DLGAP1: variants seen among roughly 807,000 people sequenced by gnomAD.
DLGAP1 encodes the protein DLG associated protein 1, also known as disks large-associated protein 1.
Under a neutral mutation model 90.8 loss-of-function variants are expected in DLGAP1, and 11 were observed. The ratio of observed to expected loss-of-function variants is 0.12; its 90% CI spans 0.08 to 0.20. The LOEUF (loss-of-function observed/expected upper bound fraction) is 0.20. Ranked by LOEUF, DLGAP1 falls within the 10% of genes least tolerant of loss-of-function variation. The pLI is 1.00. For synonymous variants in DLGAP1, 558 were observed against 540.7 expected (o/e 1.03, Z -0.44); for missense variants, 1,050 against 1,333.8 (o/e 0.79, Z 3.31).
chr18:3,623,047 C>A (rs535203419), intron 7 of DLGAP1, among the ~76,000 whole-genome samples: 1 of 151,878 alleles, frequency 6.6e-6, no homozygotes, highest in Non-Finnish European at 1.5e-5. Flanking sequence ...TCAAATGATC[C>A]GCCTGCCTCT....
chr18:3,977,292 G>A (rs1340917506), intron 3 of DLGAP1, among the ~76,000 whole-genome samples: 1 of 152,056 alleles, frequency 6.6e-6, no homozygotes, highest in African/African-American at 2.4e-5. Flanking sequence ...GGCTGGTATC[G>A]AACTCCTGAG....
At chr18:3,639,844 T>C (rs954345287) in intron 7 of DLGAP1, among the ~76,000 whole-genome samples, 2 of 133,144 alleles carry the variant, frequency 1.5e-5, no homozygotes, top group South Asian at 2.4e-4. Context: ...AAGCTCCGCC[T>C]CCTGGGTTCA....
Position 3,501,597 on chromosome 18 carries a change from A to G in DLGAP1, c.2724+896T>C, listed in dbSNP as rs942420101. Among the ~76,000 whole-genome samples, 6 of 152,306 alleles carry G rather than the reference A, an allele frequency of 3.9e-5. No individual in the cohort carries two copies. In the South Asian group the frequency reaches 1.2e-3, roughly 32 times the overall value. ...CTGAAAACATGATATGCGGTAGCAG[A>G]ATGGATTAGATTGCTGTTAGCTTTC... On this transcript the variant is annotated intron_variant, in intron 12 of 12. Coordinates refer to ENST00000315677, the MANE Select transcript of DLGAP1 (RefSeq NM_004746.4).
At chr18:4,358,985 G>T (rs2081578996) in intron 1 of DLGAP1, among the ~76,000 whole-genome samples, 1 of 152,238 alleles carries the variant, frequency 6.6e-6, no homozygotes, top group African/African-American at 2.4e-5. Flanking sequence ...TGCTGGCGGG[G>T]ATGAGGGAGT....
At chr18:3,798,495 A>G (rs1184217841) in intron 5 of DLGAP1, among the ~76,000 whole-genome samples, 1 of 152,172 alleles carries the variant, frequency 6.6e-6, no homozygotes, top group Non-Finnish European at 1.5e-5. Flanking sequence ...AACACAGTCC[A>G]GGGCCGACCC....
intron 8 of DLGAP1, among the ~76,000 whole-genome samples, chr18:3,572,082 T>C (rs919142091): frequency 2.8e-4 from 40 of 144,208 alleles, no homozygotes; most frequent in African/African-American, 9.0e-4. Flanking sequence ...TTTTTTTTTT[T>C]TTTTTTTTCT....
At chr18:4,227,941 T>G (rs775677076) in intron 1 of DLGAP1, among the ~76,000 whole-genome samples, 1 of 151,464 alleles carries the variant, frequency 6.6e-6, no homozygotes. Flanking sequence ...TAAACAAAAT[T>G]GAGAAAACTC....
chr18:3,519,503 A>G (rs1423455442), intron 10 of DLGAP1, among the ~76,000 whole-genome samples: 1 of 152,088 alleles, frequency 6.6e-6, no homozygotes, highest in African/African-American at 2.4e-5. Context: ...CTTGCCTCCT[A>G]TGAGATGAAA....
At chr18:3,847,116 A>G (rs976947875) in intron 4 of DLGAP1, among the ~76,000 whole-genome samples, 2 of 152,198 alleles carry the variant, frequency 1.3e-5, no homozygotes, top group African/African-American at 2.4e-5. Flanking sequence ...CTAGGTCAGT[A>G]AATTTCTTTT....
chr18:4,041,109 A>G (rs1440375980), intron 2 of DLGAP1, among the ~76,000 whole-genome samples: 3 of 152,182 alleles, frequency 2.0e-5, no homozygotes, highest in Non-Finnish European at 2.9e-5. Flanking sequence ...TCCTCCAACT[A>G]TTATGTTGGT....
At chr18:4,325,675 C>A (rs978503604) in intron 1 of DLGAP1, among the ~76,000 whole-genome samples, 14 of 152,142 alleles carry the variant, frequency 9.2e-5, no homozygotes, top group Admixed American at 5.2e-4. Context: ...ACACATAGAC[C>A]AATGGAATAG....
intron 1 of DLGAP1, among the ~76,000 whole-genome samples, chr18:4,345,760 T>G (rs1450819261): frequency 2.0e-5 from 3 of 152,230 alleles, no homozygotes; most frequent in Non-Finnish European, 4.4e-5. Context: ...GCTAGCCTAC[T>G]TTTTCCCTTC....
At chr18:4,046,740 A>T (rs958145562) in intron 2 of DLGAP1, among the ~76,000 whole-genome samples, 1 of 152,236 alleles carries the variant, frequency 6.6e-6, no homozygotes, top group African/African-American at 2.4e-5. Flanking sequence ...GGGACAATTT[A>T]TCCTCGGAGG....
Position 4,260,143 on chromosome 18 carries a change from T to C in DLGAP1, c.-266-108856A>G, listed in dbSNP as rs566018226. Among the ~76,000 whole-genome samples the C allele has an allele frequency of 1.1e-4, 16 of 152,296 alleles. No homozygotes were observed. In the South Asian group the frequency reaches 3.1e-3, roughly 30 times the overall value. On this transcript the variant is annotated intron_variant, in intron 1 of 12. Coordinates refer to ENST00000315677, the MANE Select transcript of DLGAP1 (RefSeq NM_004746.4). ...TGCCTAACATGAGAACAAAACAAAT[T>C]AACATTATCTTCTTTAGGAGAATGT... is the stretch of plus-strand genomic sequence containing the variant.
intron 7 of DLGAP1, among the ~76,000 whole-genome samples, chr18:3,694,467 C>T (rs191359880): frequency 2.2e-3 from 337 of 152,332 alleles, no homozygotes; most frequent in African/African-American, 7.7e-3. Flanking sequence ...ACACTGTCTT[C>T]CACAATGGTT....
intron 7 of DLGAP1, among the ~76,000 whole-genome samples, chr18:3,686,601 G>A (rs190281864): frequency 1.7e-4 from 26 of 150,510 alleles, no homozygotes; most frequent in South Asian, 4.2e-4. Context: ...TTTCACTATT[G>A]AACAAGAGAC....
At chr18:3,906,351 T>C (rs2071905799) in intron 3 of DLGAP1, among the ~76,000 whole-genome samples, 1 of 152,184 alleles carries the variant, frequency 6.6e-6, no homozygotes, top group South Asian at 2.1e-4. Flanking sequence ...TGCTTTATCT[T>C]ATCTTGAGTC....
chr18:4,443,173 A>G (rs1213015522), intron 1 of DLGAP1, among the ~76,000 whole-genome samples: 1 of 152,282 alleles, frequency 6.6e-6, no homozygotes, highest in Non-Finnish European at 1.5e-5. Context: ...AATGCAGAAC[A>G]TAAGGATAAC....
intron 1 of DLGAP1, among the ~76,000 whole-genome samples, chr18:4,316,520 G>A (rs934127646): frequency 2.0e-5 from 3 of 152,062 alleles, no homozygotes; most frequent in African/African-American, 4.8e-5. Context: ...AGAAAACCAC[G>A]GTCCTCTCCT....
Sources: gnomAD v4.1 joint callset for allele counts (sites outside exome capture counted in the v4.1 genomes callset) on GRCh38, gnomAD v4.1.1 for gene constraint, MANE v1.5 for transcripts, NCBI Gene and HGNC (gene_info 2026-07-23, HGNC 2026-07-21) for gene names.